Variants in FNIP1 observed in about 807,000 individuals in gnomAD.
FNIP1 encodes folliculin interacting protein 1.
In FNIP1, 40 loss-of-function variants were observed where a neutral mutation model predicts 124.5. The ratio of observed to expected loss-of-function variants is 0.32; its 90% CI spans 0.25 to 0.42. The LOEUF is 0.42. FNIP1 is among the 10% of genes least tolerant of loss of function. The probability of loss-of-function intolerance (pLI) is 1.00; values close to 1 mark genes in which losing one functional copy is unlikely to be tolerated. For synonymous variants in FNIP1, 472 were observed against 470.6 expected (o/e 1.00, Z -0.04); for missense variants, 1,176 against 1,403.7 (o/e 0.84, Z 2.59).
intron 9 of FNIP1, among the ~76,000 whole-genome samples, chr5:131,704,822 A>C (rs2149533231): frequency 6.6e-6 from 1 of 152,332 alleles, no homozygotes; most frequent in South Asian, 2.1e-4. Context: ...CCTAAACATA[A>C]AACTCTTAGA....
chr5:131,751,388 T>C (rs1770867651), intron 1 of FNIP1, among the ~76,000 whole-genome samples: 1 of 152,102 alleles, frequency 6.6e-6, no homozygotes, highest in Non-Finnish European at 1.5e-5. Context: ...TCAGATTGTC[T>C]TGTAATTTAT....
At chr5:131,794,891 G>C (rs866697699) in intron 1 of FNIP1, among the ~76,000 whole-genome samples, 1 of 152,354 alleles carries the variant, frequency 6.6e-6, no homozygotes, top group African/African-American at 2.4e-5. Context: ...AACAGAGCAT[G>C]AGGGAACTTT....
chr5:131,725,313 C>T (rs1367295295), intron 3 of FNIP1, among the ~76,000 whole-genome samples: 1 of 152,128 alleles, frequency 6.6e-6, no homozygotes, highest in African/African-American at 2.4e-5. Flanking sequence ...TTTCACGATA[C>T]TGATTCTTCC....
At chr5:131,651,168 A>G (rs1767027681) in intron 16 of FNIP1, among the ~76,000 whole-genome samples, 1 of 152,010 alleles carries the variant, frequency 6.6e-6, no homozygotes, top group East Asian at 1.9e-4. Flanking sequence ...GGCAGGAGGA[A>G]CACTTGAGCC....
At chr5:131,662,733 A>ATTTTTTTTTTTTTTTTTT in intron 15 of FNIP1, among the ~76,000 whole-genome samples, 1 of 76,950 alleles carries the variant, frequency 1.3e-5, no homozygotes, top group Non-Finnish European at 2.4e-5. Flanking sequence ...GATATTCTAG[A>ATTTTTTTTTTTTTTTTTT]TTTTTTTTTT....
intron 1 of FNIP1, among the ~76,000 whole-genome samples, chr5:131,747,877 G>A (rs556795172): frequency 1.3e-5 from 2 of 152,106 alleles, no homozygotes; most frequent in Non-Finnish European, 2.9e-5. Flanking sequence ...TGAGGTGGAG[G>A]AGAAATACAA....
At chr5:131,757,193 T>C (rs1771078003) in intron 1 of FNIP1, among the ~76,000 whole-genome samples, 2 of 152,058 alleles carry the variant, frequency 1.3e-5, no homozygotes, top group African/African-American at 4.8e-5. Flanking sequence ...TCAAAGGATA[T>C]GAAGTTGTGG....
chr5:131,760,231 ATAAAAG>A (rs927915742), intron 1 of FNIP1, among the ~76,000 whole-genome samples: 9 of 152,306 alleles, frequency 5.9e-5, no homozygotes, highest in African/African-American at 2.2e-4. Flanking sequence ...TGTATCTAAA[ATAAAAG>A]TTGAAATTAA....
At chr5:131,772,743 T>C (rs1408644318) in intron 1 of FNIP1, among the ~76,000 whole-genome samples, 1 of 152,182 alleles carries the variant, frequency 6.6e-6, no homozygotes, top group African/African-American at 2.4e-5. Flanking sequence ...CTCCCAGATA[T>C]GGATCGCTGT....
intron 1 of FNIP1, among the ~76,000 whole-genome samples, chr5:131,757,423 T>C (rs182682563): frequency 1.3e-5 from 2 of 152,316 alleles, no homozygotes; most frequent in Admixed American, 1.3e-4. Flanking sequence ...AACCATCTGG[T>C]ACATGTCAGC....
intron 15 of FNIP1, among the ~76,000 whole-genome samples, chr5:131,659,418 A>G (rs942522879): frequency 1.3e-5 from 2 of 152,082 alleles, no homozygotes; most frequent in Non-Finnish European, 1.5e-5. Context: ...TCCAGGGAGG[A>G]GCTGGAGGCC....
chr5:131,705,115 G>A (rs964973763), intron 9 of FNIP1, among the ~76,000 whole-genome samples: 3 of 151,946 alleles, frequency 2.0e-5, no homozygotes, highest in Non-Finnish European at 4.4e-5. Flanking sequence ...GTTATAATAT[G>A]GGCAAAGGAC....
At position 131,730,884 on chromosome 5, in the gene FNIP1, A is replaced by T. The variant is rs7729787; in HGVS notation, c.354+20T>A. ...CTAATTATAAATGAATGAATAAATA[A>T]ATGACATCAATGATCTTACCTGGTA... On this transcript the variant is annotated intron_variant, in intron 3 of 17. Coordinates refer to ENST00000510461, the MANE Select transcript of FNIP1 (RefSeq NM_133372.3). 35 of 1,569,106 alleles carry T rather than the reference A, an allele frequency of 2.2e-5. No homozygotes were observed. The South Asian group carries it at 3.7e-4, about 17-fold the overall frequency.
chr5:131,785,008 CTATA>C (rs10656273), intron 1 of FNIP1, among the ~76,000 whole-genome samples: 7 of 13,748 alleles, frequency 5.1e-4, no homozygotes. Context: ...ATATATATGA[CTATA>C]TATATGATAT....
Position 131,642,844 on chromosome 5 carries a change from G to A in FNIP1, c.*1841C>T, listed in dbSNP as rs1277564237. 6 of 139,482 alleles carry A rather than the reference G, an allele frequency of 4.3e-5. No homozygotes were observed. Among genetic ancestry groups the A allele is most frequent in the African/African-American group, 1.6e-4 (6 of 37,064 alleles). The allele number at this position is 139,482 out of a possible 1,614,324, so 8.6% of individuals were successfully genotyped here. On this transcript the variant is annotated 3_prime_UTR_variant, in exon 18 of 18. Coordinates refer to ENST00000510461, the MANE Select transcript of FNIP1 (RefSeq NM_133372.3). The stretch of plus-strand genomic sequence containing the variant: ...AGATCGCACCATTGCACTCCAGCCT[G>A]GGTAACAAGAGTGAAACTCCGTCAA...
At chr5:131,711,090 G>T (rs1268897047) in intron 6 of FNIP1, among the ~76,000 whole-genome samples, 2 of 152,136 alleles carry the variant, frequency 1.3e-5, no homozygotes, top group African/African-American at 4.8e-5. Context: ...CTGCAGCGAG[G>T]AGAAAACCAC....
intron 11 of FNIP1, among the ~76,000 whole-genome samples, chr5:131,689,698 T>C (rs1278108035): frequency 6.6e-6 from 1 of 151,970 alleles, no homozygotes; most frequent in East Asian, 1.9e-4. Flanking sequence ...GAGAGAAAAA[T>C]GGAAGCGTTT....
intron 1 of FNIP1, among the ~76,000 whole-genome samples, chr5:131,763,786 G>A (rs1285169891): frequency 6.6e-6 from 1 of 152,166 alleles, no homozygotes; most frequent in African/African-American, 2.4e-5. Context: ...CCTCACTTCA[G>A]TTGACTTTTC....
At chr5:131,788,409 CT>C (rs1175585111) in intron 1 of FNIP1, among the ~76,000 whole-genome samples, 1 of 152,152 alleles carries the variant, frequency 6.6e-6, no homozygotes, top group Non-Finnish European at 1.5e-5. Flanking sequence ...TAGCTCACGC[CT>C]GTAATCCCAG....
Sources: allele counts gnomAD v4.1 joint callset (sites outside exome capture counted in the v4.1 genomes callset), GRCh38; gene constraint gnomAD v4.1.1; transcripts MANE v1.5; gene names NCBI Gene and HGNC (gene_info 2026-07-23, HGNC 2026-07-21).